The following ACSM3 variants were observed in gnomAD, a reference collection of about 807,000 sequenced individuals.
ACSM3 encodes the protein acyl-CoA synthetase medium chain family member 3, also known as acyl-coenzyme A synthetase ACSM3, mitochondrial.
In ACSM3, 61 loss-of-function variants were observed where a neutral mutation model predicts 74.1. The ratio of observed to expected loss-of-function variants is 0.82; its 90% confidence interval spans 0.67 to 1.02. The LOEUF (loss-of-function observed/expected upper bound fraction) is 1.02. Ranked by LOEUF, ACSM3 falls within the 50% of genes least tolerant of loss-of-function variation. ACSM3 has a pLI of 0.00. For synonymous variants in ACSM3, 213 were observed against 241.5 expected (o/e 0.88, Z 1.09); for missense variants, 660 against 697.0 (o/e 0.95, Z 0.60).
In ACSM3 at chr16:20,796,466, G is replaced by A. The variant is rs1403701180; in HGVS notation, c.1651G>A (p.Ala551Thr). 1 of 1,613,422 alleles carries A rather than the reference G, an allele frequency of 6.2e-7. No homozygotes were observed. Among genetic ancestry groups the A allele is most frequent in the South Asian group, 1.1e-5 (1 of 90,950 alleles). The part of the protein sequence containing the change: ...EIQEHVKKTT[A>T]PYKYPRKVEF... ...TCAGGAGCATGTTAAAAAAACTACA[G>A]CACCTTACAAATATCCCAGAAAGGT... The change falls in exon 13 of 14, where the codon GCA (alanine) becomes ACA (threonine). Residue 551 changes from alanine to threonine, a missense_variant. By Grantham distance (58) the Ala-to-Thr change is moderately conservative (BLOSUM62 0). Coordinates refer to ENST00000289416, the MANE Select transcript of ACSM3 (RefSeq NM_005622.4).
chr16:20,681,772 TG>T (rs1320594347), intron 1 of ACSM3: 1 of 153,578 alleles, frequency 6.5e-6, no homozygotes, highest in Non-Finnish European at 1.4e-5. Flanking sequence ...AAAACTCAAT[TG>T]TATGTAGGGA....
rs147426147 is a variant in ACSM3, at chr16:20,680,879, G to A, written c.-190+6057G>A. 3.9e-5 allele frequency: 6 copies of A among 152,328 alleles called. 2 individuals carry two copies. In the South Asian group the frequency reaches 1.0e-3, roughly 26 times the overall value. The allele number at this position is 152,328 out of a possible 1,614,324, so 9.4% of individuals were successfully genotyped here. ...TGGCAACTGCCAGCTAAATGGACAG[G>A]AGCATGTGTGTAGTAACAATCAAGC... is the stretch of plus-strand genomic sequence containing the variant. On this transcript the variant is annotated intron_variant, in intron 1 of 3. Transcript: ENST00000561584.
intron 1 of ACSM3, among the ~76,000 whole-genome samples, chr16:20,768,681 G>A (rs1596509816): frequency 6.6e-6 from 1 of 151,968 alleles, no homozygotes; most frequent in East Asian, 1.9e-4. Flanking sequence ...ATGTACAGCT[G>A]GACTGCAAAC....
chr16:20,732,713 C>A, intron 1 of ACSM3, among the ~76,000 whole-genome samples: 1 of 152,166 alleles, frequency 6.6e-6, no homozygotes, highest in East Asian at 1.9e-4. Context: ...CTAAAAACCC[C>A]CAAGATGGAG....
chr16:20,727,383 G>T (rs2079810316), intron 1 of ACSM3: 3 of 582,264 alleles, frequency 5.2e-6, no homozygotes, highest in South Asian at 1.4e-5. Context: ...GACAGGAGGG[G>T]AGGCCCTCAC....
chr16:20,687,858 C>T (rs1211691860), intron 1 of ACSM3, among the ~76,000 whole-genome samples: 1 of 152,004 alleles, frequency 6.6e-6, no homozygotes, highest in Non-Finnish European at 1.5e-5. Flanking sequence ...CCGAGGCTAC[C>T]GGATCACTTG....
chr16:20,685,461 T>C (rs1181482936), intron 1 of ACSM3: 1 of 1,486,032 alleles, frequency 6.7e-7, no homozygotes, highest in African/African-American at 1.4e-5. Flanking sequence ...GGGCACTTAG[T>C]AAACTAATCC....
At chr16:20,711,991 A>C (rs537877782) in intron 1 of ACSM3, among the ~76,000 whole-genome samples, 1 of 151,994 alleles carries the variant, frequency 6.6e-6, no homozygotes, top group Non-Finnish European at 1.5e-5. Context: ...GGGCCTTTGC[A>C]CCTGCTGTTT....
intron 1 of ACSM3, chr16:20,725,283 T>G (rs2079800714): frequency 5.6e-6 from 1 of 178,168 alleles, no homozygotes; most frequent in Non-Finnish European, 1.3e-5. Flanking sequence ...TGGAAGGGAA[T>G]GACAGGGTGT....
In ACSM3 at chr16:20,789,405, A is replaced by T. The variant is rs959277959; in HGVS notation, c.1225-1182A>T. The T allele has an allele frequency of 3.7e-6, 4 of 1,075,310 alleles. No homozygotes were observed. In the African/African-American group the frequency reaches 6.3e-5, roughly 17 times the overall value. The allele number at this position is 1,075,310 out of a possible 1,614,324, so 66.6% of individuals were successfully genotyped here. A position where few individuals can be genotyped will look rare whatever the true frequency, so the allele number is the denominator to read the frequency against. Reference sequence around the variant, plus strand: ...ATGTATTAAGTACTTAATAAATGCTAGCTACTGGTAGACACTTCAGGGAAT... The same window carrying T: ...ATGTATTAAGTACTTAATAAATGCTTGCTACTGGTAGACACTTCAGGGAAT... On this transcript the variant is annotated intron_variant, in intron 9 of 13. Coordinates refer to ENST00000289416, the MANE Select transcript of ACSM3 (RefSeq NM_005622.4).
intron 1 of ACSM3, chr16:20,690,935 A>G: frequency 2.0e-6 from 3 of 1,522,162 alleles, no homozygotes; most frequent in Non-Finnish European, 1.8e-6. Flanking sequence ...GCCTAGTAGG[A>G]GCAAGATAAG....
chr16:20,790,596 G>A lies in ACSM3; in HGVS notation c.1234G>A (p.Val412Ile). ...TTCTATTTTATCCTAGATTGTAGAT[G>A]TAAATGGCAATGTTCTACCTCCTGG... The part of the protein sequence containing the change: ...SPAFDVKIVD[V>I]NGNVLPPGQE... Residue 412 changes from valine (V) to isoleucine (I), a missense_variant, in exon 10 of 14, where the codon GTA becomes ATA. Coordinates refer to ENST00000289416, the MANE Select transcript of ACSM3 (RefSeq NM_005622.4). The surrounding 1 kb of genome is among the most constrained non-coding windows in gnomAD (Gnocchi z 4.0). 1 of 1,613,804 alleles carries A rather than the reference G, an allele frequency of 6.2e-7. No homozygotes were observed. The highest frequency in any genetic ancestry group is 1.7e-5 in the Admixed American group (1 of 60,006).
At chr16:20,716,671 C>T (rs950509022) in intron 1 of ACSM3, among the ~76,000 whole-genome samples, 5 of 152,224 alleles carry the variant, frequency 3.3e-5, no homozygotes, top group African/African-American at 1.2e-4. Context: ...CACCTGTTTA[C>T]CCTCACGTCC....
chr16:20,747,671 A>G (rs1168397287), intron 1 of ACSM3, among the ~76,000 whole-genome samples: 1 of 152,190 alleles, frequency 6.6e-6, no homozygotes, highest in African/African-American at 2.4e-5. Context: ...CACTTCAGTC[A>G]ATGCTCCAAA....
chr16:20,752,731 CA>C (rs2079998113), intron 2 of ACSM3, among the ~76,000 whole-genome samples: 1 of 152,084 alleles, frequency 6.6e-6, no homozygotes, highest in Admixed American at 6.6e-5. Flanking sequence ...ATATAGATAA[CA>C]ATTATCAATA....
chr16:20,700,376 CA>C (rs1398892816), intron 1 of ACSM3, among the ~76,000 whole-genome samples: 2 of 151,950 alleles, frequency 1.3e-5, no homozygotes, highest in Non-Finnish European at 2.9e-5. Context: ...GTGATACTGC[CA>C]AAAAGAAAAC....
intron 7 of ACSM3, 129 bp downstream of exon 7, chr16:20,781,916 C>T: frequency 1.5e-6 from 1 of 663,772 alleles, no homozygotes; most frequent in Admixed American, 2.8e-5. Flanking sequence ...CTCTCCTCTT[C>T]CTCTTTCTCC....
In ACSM3 at chr16:20,775,961, C is replaced by T. The variant is rs1278184101; in HGVS notation, c.342C>T (p.Ala114=). 6.2e-7 allele frequency: 1 copy of T among 1,614,162 alleles called. No individual in the cohort carries two copies. Residue 114 remains alanine (A), a synonymous_variant, in exon 3 of 14, where the codon GCC becomes GCT. Transcript: ENST00000289416. ...AATTTGCCAATATACTTTCAGAAGC[C>T]TGTTCCCTACAAAGAGGAGATCGGG... ...SRKFANILSE[A]CSLQRGDRVI... is the part of the protein sequence containing the mutation.
rs749129574 is a variant in ACSM3, at chr16:20,781,026, G to A, written c.835G>A (p.Gly279Ser). ...SDVMWNTSDT[G>S]WAKSAWSSVF... is the part of the protein sequence containing the mutation. The stretch of plus-strand genomic sequence containing the variant: ...TGTGATGTGGAATACCTCAGATACG[G>A]GCTGGGCAAAGTCTGCATGGAGTAG... The change falls in exon 6 of 14, where the codon GGC (glycine) becomes AGC (serine). Residue 279 changes from glycine (G) to serine (S), a missense_variant. Gly to Ser is a moderately conservative substitution (Grantham distance 56, BLOSUM62 0). Coordinates refer to ENST00000289416, the MANE Select transcript of ACSM3 (RefSeq NM_005622.4). The A allele has an allele frequency of 6.2e-7, 1 of 1,614,198 alleles. No individual in the cohort carries two copies. The highest frequency in any genetic ancestry group is 8.5e-7 in the Non-Finnish European group (1 of 1,180,040).
Sources: allele counts gnomAD v4.1 joint callset (sites outside exome capture counted in the v4.1 genomes callset), GRCh38; gene constraint gnomAD v4.1.1; non-coding constraint Gnocchi (gnomAD v3.1); transcripts MANE v1.5; gene names NCBI Gene and HGNC (gene_info 2026-07-23, HGNC 2026-07-21).